The following CTSO variants were observed in gnomAD, a reference collection of about 807,000 sequenced individuals.
The protein encoded by CTSO is cathepsin O.
A neutral mutation model predicts 42.4 loss-of-function variants in CTSO; 40 were observed. The observed-to-expected ratio is 0.94, with a 90% confidence interval of 0.73 to 1.23. The LOEUF (loss-of-function observed/expected upper bound fraction) is 1.23. Among genes scored for constraint, CTSO ranks in the 50% most tolerant of loss-of-function variants. The pLI, the probability that CTSO is intolerant of heterozygous loss-of-function variation, is 0.00. For missense variants in CTSO, 441 were observed against 396.0 expected (o/e 1.11, Z -0.96); for synonymous variants, 156 against 146.2 (o/e 1.07, Z -0.48).
chr4:155,947,400 T>A (rs1258905467), intron 1 of CTSO, among the ~76,000 whole-genome samples: 4 of 152,200 alleles, frequency 2.6e-5, no homozygotes, highest in Admixed American at 6.5e-5. Context: ...GTATTTGGAT[T>A]ATAGAAATGG....
At chr4:155,947,888 C>T (rs1743576285) in intron 1 of CTSO, among the ~76,000 whole-genome samples, 1 of 152,108 alleles carries the variant, frequency 6.6e-6, no homozygotes, top group Admixed American at 6.5e-5. Flanking sequence ...AGACCTGAAC[C>T]TTAACTTCAT....
At chr4:155,946,545 A>T (rs1186020935) in intron 1 of CTSO, among the ~76,000 whole-genome samples, 1 of 152,158 alleles carries the variant, frequency 6.6e-6, no homozygotes, top group East Asian at 1.9e-4. Flanking sequence ...CAGCGGCACT[A>T]GTGTCTGCAG....
chr4:155,935,246 C>G (rs74953451), intron 5 of CTSO, among the ~76,000 whole-genome samples: 2 of 152,102 alleles, frequency 1.3e-5, no homozygotes, highest in South Asian at 2.1e-4. Flanking sequence ...GCCTCCTCAG[C>G]CATGTGGAAC....
At chr4:155,927,372 G>C (rs1455137855) in intron 7 of CTSO, among the ~76,000 whole-genome samples, 1 of 152,142 alleles carries the variant, frequency 6.6e-6, no homozygotes, top group Non-Finnish European at 1.5e-5. Flanking sequence ...AAAATATGTT[G>C]ATTTCTAGAC....
chr4:155,945,252 A>C (rs970328152), intron 1 of CTSO, among the ~76,000 whole-genome samples: 8 of 151,978 alleles, frequency 5.3e-5, no homozygotes, highest in African/African-American at 1.9e-4. Flanking sequence ...GCGAGCCTCC[A>C]ACTCAAAAAA....
rs374778662 is a variant in CTSO at position 155,945,003 on chromosome 4, T to A, written c.136-1739A>T. On this transcript the variant is annotated intron_variant, in intron 1 of 7. Transcript: ENST00000433477. ...TGGGAGCAGTGGCTCACACCTGTCA[T>A]CCCAGCACTTTGGGAGGCTGAGGTC... Among the ~76,000 whole-genome samples the A allele has an allele frequency of 2.5e-4, 36 of 143,768 alleles. No individual in the cohort carries two copies. The East Asian group carries it at 7.6e-3, about 31-fold the overall frequency. The allele number at this position is 143,768 out of a possible 152,430, so 94.3% of individuals were successfully genotyped here. A position where few individuals can be genotyped will look rare whatever the true frequency, so the allele number is the denominator to read the frequency against.
intron 5 of CTSO, among the ~76,000 whole-genome samples, chr4:155,930,673 A>C (rs1426218360): frequency 6.6e-6 from 1 of 152,186 alleles, no homozygotes; most frequent in Non-Finnish European, 1.5e-5. Flanking sequence ...TAAGTAAGTA[A>C]ATAATCTTTC....
At chr4:155,935,419 C>G (rs1008455554) in intron 5 of CTSO, among the ~76,000 whole-genome samples, 2 of 151,984 alleles carry the variant, frequency 1.3e-5, no homozygotes, top group African/African-American at 4.8e-5. Flanking sequence ...TCTAACATGC[C>G]AGACATGTTT....
intron 1 of CTSO, among the ~76,000 whole-genome samples, chr4:155,948,919 T>C (rs1743595763): frequency 6.6e-6 from 1 of 152,220 alleles, no homozygotes. Flanking sequence ...GGGAAAAATC[T>C]GTGAAATCTT....
rs1743193027 is a variant in CTSO at position 155,929,525 on chromosome 4, G to A, written c.838+17C>T. ...TCCATGCTGGAAAGCAGTCAACTGA[G>A]TCTTATCAGCACTTACCTGTTTTAT... is the stretch of plus-strand genomic sequence containing the variant. On this transcript the variant is annotated intron_variant, in intron 6 of 7. Coordinates refer to ENST00000433477, the MANE Select transcript of CTSO (RefSeq NM_001334.3). The A allele has an allele frequency of 1.2e-6, 2 of 1,603,600 alleles. No homozygotes were observed. Among genetic ancestry groups the A allele is most frequent in the East Asian group, 4.5e-5 (2 of 44,716 alleles).
intron 4 of CTSO, among the ~76,000 whole-genome samples, chr4:155,938,474 T>C (rs911420405): frequency 6.6e-6 from 1 of 152,156 alleles, no homozygotes; most frequent in African/African-American, 2.4e-5. Context: ...ATATCGGATC[T>C]GGGACACTGT....
chr4:155,944,789 G>A (rs1743510373), intron 1 of CTSO, among the ~76,000 whole-genome samples: 1 of 152,062 alleles, frequency 6.6e-6, no homozygotes, highest in African/African-American at 2.4e-5. Context: ...ATGACTCCCT[G>A]ATGGCCTTGC....
At position 155,925,558 on chromosome 4, in the gene CTSO, A is replaced by G. The variant is rs1463061290; in HGVS notation, c.*478T>C. On this transcript the variant is annotated 3_prime_UTR_variant, in exon 8 of 8. Coordinates refer to ENST00000433477, the MANE Select transcript of CTSO (RefSeq NM_001334.3). ...TACGCCATCTCAGAGGGCTGCTAAT[A>G]TAACTAACTGTACAAGACACACATA... The G allele has an allele frequency of 1.3e-5, 2 of 153,736 alleles. No individual in the cohort carries two copies. The highest frequency in any genetic ancestry group is 4.8e-5 in the African/African-American group (2 of 41,502). 9.5% of individuals were successfully genotyped at this position (153,736 alleles called of 1,614,324 possible).
rs11376603 is a variant in CTSO, at chr4:155,928,202, T to TA, written c.931+133_931+134insT. ...TTTAACAGTTCCTCTTGCAAAACAC[T>TA]TTTTTTTTTATCATTTGGTTAAAGG... On this transcript the variant is annotated intron_variant, in intron 7 of 7. Coordinates refer to ENST00000433477, the MANE Select transcript of CTSO (RefSeq NM_001334.3). The TA allele has an allele frequency of 8.4e-4, 314 of 375,860 alleles. 2 individuals are homozygous for TA. In the East Asian group the frequency reaches 0.013, roughly 15 times the overall value. The allele number at this position is 375,860 out of a possible 1,614,324, so 23.3% of individuals were successfully genotyped here.
chr4:155,927,541 G>C (rs1252852793), intron 7 of CTSO, among the ~76,000 whole-genome samples: 1 of 152,160 alleles, frequency 6.6e-6, no homozygotes, highest in Non-Finnish European at 1.5e-5. Flanking sequence ...AGGCCAAGGA[G>C]GGCAGATCAC....
At chr4:155,934,394 A>T (rs557298873) in intron 5 of CTSO, among the ~76,000 whole-genome samples, 1 of 152,300 alleles carries the variant, frequency 6.6e-6, no homozygotes, top group African/African-American at 2.4e-5. Flanking sequence ...TGCAGAAGAA[A>T]AATGTGGGGT....
chr4:155,944,673 C>T (rs1371976305), intron 1 of CTSO, among the ~76,000 whole-genome samples: 1 of 152,072 alleles, frequency 6.6e-6, no homozygotes, highest in Non-Finnish European at 1.5e-5. Context: ...ATGATCACAC[C>T]AAGGGAAGCC....
chr4:155,928,604 T>A (rs1434785125), intron 6 of CTSO, among the ~76,000 whole-genome samples, 176 bp from the exon 7 acceptor site: 1 of 152,186 alleles, frequency 6.6e-6, no homozygotes, highest in Non-Finnish European at 1.5e-5. Context: ...ACCTGAGCAG[T>A]ACTTACGGAC....
intron 3 of CTSO, 109 bp from the exon 4 acceptor site, chr4:155,939,647 A>G: frequency 1.0e-6 from 1 of 996,836 alleles, no homozygotes; most frequent in Non-Finnish European, 1.4e-6. Context: ...GATTCTGGAA[A>G]CCTACAAAAT....
Sources: gnomAD v4.1 joint callset for allele counts (sites outside exome capture counted in the v4.1 genomes callset) on GRCh38, gnomAD v4.1.1 for gene constraint, MANE v1.5 for transcripts, NCBI Gene and HGNC (gene_info 2026-07-23, HGNC 2026-07-21) for gene names.